Variants in ELMO1 observed in about 807,000 individuals in gnomAD.
ELMO1 encodes engulfment and cell motility protein 1.
ELMO1 carries 26 observed loss-of-function variants against 98.9 expected under a neutral mutation model. That is an observed-to-expected ratio of 0.26 (90% CI 0.19 to 0.36). ELMO1 has a LOEUF of 0.36. Among genes scored for constraint, ELMO1 ranks in the 10% least tolerant of loss-of-function variants. The pLI is 1.00. For synonymous variants in ELMO1, 346 were observed against 346.0 expected (o/e 1.00, Z 0.00); for missense variants, 627 against 935.2 (o/e 0.67, Z 4.30).
At chr7:37,431,095 G>A (rs1365018242) in intron 1 of ELMO1, among the ~76,000 whole-genome samples, 2 of 152,180 alleles carry the variant, frequency 1.3e-5, no homozygotes, top group Non-Finnish European at 2.9e-5. Flanking sequence ...CCAGTGCTTT[G>A]GGAGGCCAAA....
intron 15 of ELMO1, among the ~76,000 whole-genome samples, chr7:37,083,009 T>C (rs992616722): frequency 6.6e-6 from 1 of 152,170 alleles, no homozygotes; most frequent in Non-Finnish European, 1.5e-5. Flanking sequence ...ATTGGTTACA[T>C]AACAAGGAGT....
chr7:37,008,862 T>G (rs1584508678), intron 16 of ELMO1, among the ~76,000 whole-genome samples: 1 of 152,298 alleles, frequency 6.6e-6, no homozygotes, highest in African/African-American at 2.4e-5. Flanking sequence ...TAAATCACCT[T>G]TAATGATCAA....
At chr7:37,426,179 A>G (rs1583741724) in intron 1 of ELMO1, among the ~76,000 whole-genome samples, 1 of 101,508 alleles carries the variant, frequency 9.9e-6, no homozygotes, top group African/African-American at 4.0e-5. Flanking sequence ...ACTGAGATGG[A>G]GTCTCATTCT....
intron 6 of ELMO1, among the ~76,000 whole-genome samples, chr7:37,248,372 G>A (rs1795137032): frequency 6.6e-6 from 1 of 151,974 alleles, no homozygotes; most frequent in Admixed American, 6.6e-5. Context: ...CAAATGGGCT[G>A]TGTGACCCTT....
intron 1 of ELMO1, among the ~76,000 whole-genome samples, chr7:37,360,411 C>G (rs2131324726): frequency 7.1e-6 from 1 of 140,212 alleles, no homozygotes; most frequent in South Asian, 2.3e-4. Context: ...GTTTATGAAA[C>G]TTAACTGAAA....
chr7:37,336,942 G>A (rs912002666), intron 2 of ELMO1, among the ~76,000 whole-genome samples: 1 of 152,164 alleles, frequency 6.6e-6, no homozygotes, highest in African/African-American at 2.4e-5. Context: ...CACTGTTGAA[G>A]ACAGAGAAGA....
chr7:36,873,877 A>T (rs1803737340), intron 19 of ELMO1, among the ~76,000 whole-genome samples: 1 of 152,262 alleles, frequency 6.6e-6, no homozygotes. Context: ...GTGAGATCCA[A>T]GTTCAGGCAG....
At chr7:37,073,568 T>TTG (rs1554405310) in intron 15 of ELMO1, among the ~76,000 whole-genome samples, 3 of 148,144 alleles carry the variant, frequency 2.0e-5, no homozygotes, top group Non-Finnish European at 3.0e-5. Context: ...ATTGTTGTTT[T>TTG]TGTATGTGTG....
chr7:37,314,338 G>C (rs1366354045), intron 4 of ELMO1, among the ~76,000 whole-genome samples: 2 of 152,232 alleles, frequency 1.3e-5, no homozygotes, highest in Middle Eastern at 6.8e-3. Context: ...GGCCATTGCT[G>C]TCTTCACAAA....
intron 14 of ELMO1, among the ~76,000 whole-genome samples, chr7:37,111,858 A>T (rs1223495576): frequency 2.0e-5 from 3 of 152,108 alleles, no homozygotes; most frequent in Non-Finnish European, 4.4e-5. Context: ...AACTAACTAA[A>T]TGTTGGTCTT....
At chr7:37,364,215 G>A (rs1417531896) in intron 1 of ELMO1, among the ~76,000 whole-genome samples, 1 of 152,170 alleles carries the variant, frequency 6.6e-6, no homozygotes, top group African/African-American at 2.4e-5. Context: ...CAGAACCAAA[G>A]ACTCTAAGCA....
intron 4 of ELMO1, among the ~76,000 whole-genome samples, chr7:37,276,606 G>A (rs966811510): frequency 2.6e-5 from 4 of 152,142 alleles, no homozygotes; most frequent in South Asian, 2.1e-4. Context: ...GCGAGACTCC[G>A]TCTCAAAAAA....
intron 14 of ELMO1, among the ~76,000 whole-genome samples, chr7:37,110,588 T>C: frequency 6.6e-6 from 1 of 152,096 alleles, no homozygotes; most frequent in Non-Finnish European, 1.5e-5. Flanking sequence ...TTTAAATATA[T>C]ATATATAAGT....
chr7:37,336,223 G>A (rs1043107766), intron 2 of ELMO1, among the ~76,000 whole-genome samples: 3 of 150,632 alleles, frequency 2.0e-5, no homozygotes, highest in South Asian at 2.1e-4. Flanking sequence ...GAGACCCTGC[G>A]TCAAGGAAAA....
Position 37,247,397 on chromosome 7 carries a change from G to C in ELMO1, c.414-3006C>G, listed in dbSNP as rs180721643. On this transcript the variant is annotated intron_variant, in intron 6 of 21. Transcript: ENST00000310758. ...CAGCTACTAGATTAAACTGGTCTTAGGGTTACACCAGGCCATCTTAGCAGC... is the reference window on the plus strand; with the variant it reads ...CAGCTACTAGATTAAACTGGTCTTACGGTTACACCAGGCCATCTTAGCAGC... 2.5e-3 allele frequency among the ~76,000 whole-genome samples: 374 copies of C among 152,176 alleles called. 2 individuals are homozygous for C. Among genetic ancestry groups the C allele is most frequent in the African/African-American group, 8.7e-3 (363 of 41,526 alleles).
chr7:37,079,043 G>A (rs1797727165), intron 15 of ELMO1, among the ~76,000 whole-genome samples: 1 of 152,072 alleles, frequency 6.6e-6, no homozygotes, highest in Non-Finnish European at 1.5e-5. Context: ...AATACTAAAA[G>A]TGTGCACTAT....
At chr7:37,202,070 C>A (rs909113526) in intron 13 of ELMO1, among the ~76,000 whole-genome samples, 3 of 152,142 alleles carry the variant, frequency 2.0e-5, no homozygotes, top group African/African-American at 7.2e-5. Flanking sequence ...GCAGAGCTTC[C>A]CTGCAGAGCA....
intron 15 of ELMO1, among the ~76,000 whole-genome samples, chr7:37,062,254 G>C (rs1052919560): frequency 6.6e-6 from 1 of 152,174 alleles, no homozygotes; most frequent in Admixed American, 6.5e-5. Context: ...GTTAGTGAAG[G>C]AATGACTCAT....
intron 12 of ELMO1, among the ~76,000 whole-genome samples, chr7:37,212,613 T>C (rs545937902): frequency 2.0e-5 from 3 of 152,312 alleles, no homozygotes; most frequent in South Asian, 2.1e-4. Flanking sequence ...CCTTGCTCCA[T>C]GAATGAAGTG....
Sources: allele counts gnomAD v4.1 joint callset (sites outside exome capture counted in the v4.1 genomes callset), GRCh38; gene constraint gnomAD v4.1.1; transcripts MANE v1.5; gene names NCBI Gene and HGNC (gene_info 2026-07-23, HGNC 2026-07-21).